The following NCALD variants were observed in gnomAD, a reference collection of about 807,000 sequenced individuals.
NCALD encodes the protein neurocalcin delta.
A neutral mutation model predicts 18.6 loss-of-function variants in NCALD; 10 were observed. That is an observed-to-expected ratio of 0.54 (90% CI 0.33 to 0.91). The LOEUF (loss-of-function observed/expected upper bound fraction) is 0.91, where lower values mean the gene tolerates loss of function less well. NCALD is among the 40% of genes least tolerant of loss of function. The pLI, the probability that NCALD is intolerant of heterozygous loss-of-function variation, is 0.03. For synonymous variants in NCALD, 88 were observed against 87.4 expected, an observed-to-expected ratio of 1.01 and a Z score of -0.04; for missense variants, 184 against 247.6, an observed-to-expected ratio of 0.74 and a Z score of 1.72.
chr8:101,941,329 A>T (rs181001510), intron 2 of NCALD, among the ~76,000 whole-genome samples: 1 of 152,312 alleles, frequency 6.6e-6, no homozygotes, highest in East Asian at 1.9e-4. Context: ...ATGCAAGTTC[A>T]CAATAGAGCT....
At chr8:101,931,015 G>T (rs1444945797) in intron 2 of NCALD, among the ~76,000 whole-genome samples, 1 of 152,136 alleles carries the variant, frequency 6.6e-6, no homozygotes, top group African/African-American at 2.4e-5. Flanking sequence ...CTCCTTATCA[G>T]TACCATATAA....
chr8:101,841,304 G>A (rs1210401503), intron 4 of NCALD, among the ~76,000 whole-genome samples: 3 of 152,258 alleles, frequency 2.0e-5, no homozygotes, highest in East Asian at 1.9e-4. Context: ...AGAACATCAC[G>A]TACATGTGTT....
chr8:101,928,593 A>G (rs949783577), intron 2 of NCALD, among the ~76,000 whole-genome samples: 1 of 147,504 alleles, frequency 6.8e-6, no homozygotes, highest in African/African-American at 2.6e-5. Flanking sequence ...GGCTCAGGCT[A>G]TGGACACTTT....
chr8:102,062,481 A>G (rs1213637600), intron 1 of NCALD, among the ~76,000 whole-genome samples: 1 of 152,192 alleles, frequency 6.6e-6, no homozygotes, highest in Admixed American at 6.5e-5. Context: ...CACCCACCAC[A>G]ATGACTAGCA....
chr8:101,897,881 A>G (rs997681843), intron 3 of NCALD, among the ~76,000 whole-genome samples: 1 of 152,200 alleles, frequency 6.6e-6, no homozygotes, highest in Non-Finnish European at 1.5e-5. Flanking sequence ...TGTAGTTCCC[A>G]TAATTCCGTG....
intron 1 of NCALD, among the ~76,000 whole-genome samples, chr8:101,758,750 C>G (rs10111993): frequency 0.025 from 3,756 of 152,278 alleles, 156 homozygotes; most frequent in African/African-American, 0.086. Flanking sequence ...GGATTATGAA[C>G]ACCTCAATAG....
intron 2 of NCALD, among the ~76,000 whole-genome samples, chr8:101,957,314 T>TA: frequency 7.9e-6 from 1 of 126,092 alleles, no homozygotes; most frequent in South Asian, 2.7e-4. Context: ...TTTTTTTTTT[T>TA]AGCACAAAGC....
chr8:101,697,307 C>T (rs1385693390), intron 2 of NCALD, among the ~76,000 whole-genome samples: 1 of 152,110 alleles, frequency 6.6e-6, no homozygotes, highest in African/African-American at 2.4e-5. Context: ...TAATTAATAG[C>T]CTACCAACCT....
intron 1 of NCALD, among the ~76,000 whole-genome samples, chr8:101,760,004 T>C (rs1299880102): frequency 4.6e-5 from 7 of 151,960 alleles, no homozygotes; most frequent in Admixed American, 4.6e-4. Flanking sequence ...CCCCAAGGGG[T>C]TGGTCAAGTC....
rs867113344 is a variant in NCALD, at chr8:101,710,935, C to T, written c.378+8317G>A. On this transcript the variant is annotated intron_variant, in intron 2 of 3. Transcript: ENST00000220931. ...TCTGCTAAGGGACAGACTGCCTCCTCAAGTGGGTCCCTGACCCCCGAGGCT... is the reference window on the plus strand; with the variant it reads ...TCTGCTAAGGGACAGACTGCCTCCTTAAGTGGGTCCCTGACCCCCGAGGCT... Among the ~76,000 whole-genome samples, 3 of 152,196 alleles carry T rather than the reference C, an allele frequency of 2.0e-5. No homozygotes were observed. The South Asian group carries it at 6.2e-4, about 31-fold the overall frequency.
At chr8:101,992,205 G>A (rs574875242) in intron 2 of NCALD, among the ~76,000 whole-genome samples, 5 of 152,124 alleles carry the variant, frequency 3.3e-5, no homozygotes, top group Non-Finnish European at 5.9e-5. Context: ...TCAAATGTCC[G>A]GTGGGCTTGT....
At chr8:101,695,096 A>G (rs1008955110) in intron 2 of NCALD, among the ~76,000 whole-genome samples, 4 of 152,186 alleles carry the variant, frequency 2.6e-5, no homozygotes, top group Non-Finnish European at 5.9e-5. Context: ...TATGATCTAA[A>G]TATTTGGTGA....
chr8:101,918,291 TA>T (rs1000941546), intron 2 of NCALD, among the ~76,000 whole-genome samples: 4 of 152,092 alleles, frequency 2.6e-5, no homozygotes, highest in African/African-American at 9.7e-5. Context: ...CTCTTCATGA[TA>T]AAACCCCTCA....
intron 4 of NCALD, among the ~76,000 whole-genome samples, chr8:101,796,495 A>G (rs1812643456): frequency 6.6e-6 from 1 of 152,220 alleles, no homozygotes; most frequent in African/African-American, 2.4e-5. Flanking sequence ...AAATTTTAAA[A>G]AAGGAAAATA....
chr8:102,029,597 T>C (rs1388473596), intron 1 of NCALD, among the ~76,000 whole-genome samples: 1 of 152,208 alleles, frequency 6.6e-6, no homozygotes, highest in Non-Finnish European at 1.5e-5. Context: ...CCTGTCAACG[T>C]TTCATCATAA....
upstream of NCALD, chr8:102,124,506 T>TC (rs1465060329): frequency 1.6e-5 from 1 of 62,274 alleles, no homozygotes; most frequent in Non-Finnish European, 3.7e-5. Context: ...GCCCCCCCCC[T>TC]CCCCCGCTTG....
At chr8:101,846,872 T>A (rs1433611648) in intron 4 of NCALD, among the ~76,000 whole-genome samples, 1 of 152,164 alleles carries the variant, frequency 6.6e-6, no homozygotes, top group East Asian at 1.9e-4. Context: ...TTCCAGGTAC[T>A]CAACACAGGC....
chr8:101,833,172 G>A (rs918666114), intron 4 of NCALD, among the ~76,000 whole-genome samples: 2 of 152,178 alleles, frequency 1.3e-5, no homozygotes, highest in Admixed American at 6.5e-5. Context: ...AGACCAGTGA[G>A]TCTCAAATTT....
chr8:101,907,927 C>G (rs1563884828), intron 3 of NCALD, among the ~76,000 whole-genome samples: 2 of 152,118 alleles, frequency 1.3e-5, no homozygotes, highest in African/African-American at 4.8e-5. Context: ...TGGGGAGATG[C>G]CATGCCATGC....
Sources: gnomAD v4.1 joint callset for allele counts (sites outside exome capture counted in the v4.1 genomes callset) on GRCh38, gnomAD v4.1.1 for gene constraint, MANE v1.5 for transcripts, NCBI Gene and HGNC (gene_info 2026-07-23, HGNC 2026-07-21) for gene names.